MPRIP: variants seen among roughly 807,000 people sequenced by gnomAD.
The protein encoded by MPRIP is myosin phosphatase Rho interacting protein.
In MPRIP, 59 loss-of-function variants were observed where a neutral mutation model predicts 234.9. The ratio of observed to expected loss-of-function variants is 0.25; its 90% CI spans 0.20 to 0.31. MPRIP has a LOEUF of 0.31. Among genes scored for constraint, MPRIP ranks in the 10% least tolerant of loss-of-function variants. The pLI is 1.00. For synonymous variants in MPRIP, 1,144 were observed against 1,263.9 expected (o/e 0.91, Z 2.01); for missense variants, 2,436 against 3,071.0 (o/e 0.79, Z 4.89).
intron 3 of MPRIP, among the ~76,000 whole-genome samples, chr17:17,117,007 G>A (rs984886870): frequency 1.3e-5 from 2 of 152,244 alleles, no homozygotes; most frequent in African/African-American, 4.8e-5. Flanking sequence ...TGGTCTCTGA[G>A]TAGAGGATGT....
chr17:17,140,492 C>T (rs560610597), intron 7 of MPRIP, among the ~76,000 whole-genome samples: 1 of 152,258 alleles, frequency 6.6e-6, no homozygotes, highest in South Asian at 2.1e-4. Flanking sequence ...TCACTGGATC[C>T]CTAGTAGCCC....
At chr17:17,157,077 C>G (rs1453329888) in intron 13 of MPRIP, among the ~76,000 whole-genome samples, 1 of 152,220 alleles carries the variant, frequency 6.6e-6, no homozygotes, top group Non-Finnish European at 1.5e-5. Flanking sequence ...TTAGGGGCCC[C>G]TCAGTCAGCC....
intron 4 of MPRIP, among the ~76,000 whole-genome samples, chr17:17,131,060 CCA>C (rs1010421623): frequency 8.5e-5 from 13 of 152,164 alleles, no homozygotes; most frequent in Non-Finnish European, 1.3e-4. Flanking sequence ...AGTGAACTTG[CCA>C]CACACAATCC....
intron 1 of MPRIP, among the ~76,000 whole-genome samples, chr17:17,053,928 G>A (rs953309616): frequency 1.2e-4 from 18 of 152,188 alleles, no homozygotes; most frequent in Middle Eastern, 3.2e-3. Context: ...AGTCCTCACC[G>A]TCATTGATGG....
chr17:17,163,115 G>T (rs1229210984), intron 15 of MPRIP, among the ~76,000 whole-genome samples: 1 of 152,200 alleles, frequency 6.6e-6, no homozygotes, highest in South Asian at 2.1e-4. Flanking sequence ...TGAGCAGGGG[G>T]TCTGTGGGGT....
chr17:17,112,004 G>T (rs901893158), intron 3 of MPRIP, among the ~76,000 whole-genome samples: 11 of 152,126 alleles, frequency 7.2e-5, no homozygotes, highest in African/African-American at 2.4e-4. Flanking sequence ...GACAGTCGTC[G>T]GCACCCCACA....
intron 16 of MPRIP, chr17:17,171,427 C>T: frequency 3.1e-6 from 1 of 322,636 alleles, no homozygotes. Context: ...GCAGCCTGTC[C>T]CCACCTACCA....
chr17:17,070,448 CCTGT>C (rs1597747940), intron 1 of MPRIP, among the ~76,000 whole-genome samples: 1 of 152,164 alleles, frequency 6.6e-6, no homozygotes, highest in East Asian at 1.9e-4. Context: ...TTCATTTTTT[CCTGT>C]CTGTTTTTCC....
chr17:17,184,709 C>G (rs1353982745), intron 23 of MPRIP, 114 bp from the exon 24 acceptor site: 1 of 730,218 alleles, frequency 1.4e-6, no homozygotes, highest in African/African-American at 1.7e-5. Context: ...CGCACCTGCA[C>G]CCGGCTCTCT....
chr17:17,113,013 A>G (rs2090204459), intron 3 of MPRIP, among the ~76,000 whole-genome samples: 1 of 152,188 alleles, frequency 6.6e-6, no homozygotes, highest in Non-Finnish European at 1.5e-5. Context: ...TTGGGGTCTC[A>G]CTAGCTCCCA....
chr17:17,112,349 C>T (rs2090189414), intron 3 of MPRIP, among the ~76,000 whole-genome samples: 2 of 152,170 alleles, frequency 1.3e-5, no homozygotes, highest in African/African-American at 4.8e-5. Context: ...CCCTGCATCC[C>T]ACAAGTGCCC....
In MPRIP at chr17:17,168,543, GTCCTGC is replaced by G; in HGVS notation, c.6324+629_6324+634del. ...TTACAAGTAGATTTTCCCCAGAACTGTCCTGCATCCCCGCCCCTGAGGTCCTGGAGC... is the reference window on the plus strand; with the variant it reads ...TTACAAGTAGATTTTCCCCAGAACTGATCCCCGCCCCTGAGGTCCTGGAGC... On this transcript the variant is annotated intron_variant, in intron 16 of 23. Transcript: ENST00000651222. 2.1e-5 allele frequency: 7 copies of G among 333,824 alleles called. 1 individual carries two copies. Among genetic ancestry groups the G allele is most frequent in the South Asian group, 1.6e-4 (7 of 42,528 alleles). 20.7% of individuals were successfully genotyped at this position (333,824 alleles called of 1,614,324 possible).
At chr17:17,171,925 A>G (rs2046146085) in intron 17 of MPRIP, 60 bp downstream of exon 17, 10 of 1,543,478 alleles carry the variant, frequency 6.5e-6, no homozygotes, top group African/African-American at 5.5e-5. Flanking sequence ...TGAGCTAGAC[A>G]CACAACTCAG....
At chr17:17,183,671 C>G (rs866735641) in intron 23 of MPRIP, among the ~76,000 whole-genome samples, 1 of 152,216 alleles carries the variant, frequency 6.6e-6, no homozygotes, top group Non-Finnish European at 1.5e-5. Context: ...GGAGCTCCCC[C>G]TTCCCTTGAG....
rs1350636781 is a variant in MPRIP at position 17,164,340 on chromosome 17, G to A, written c.2749G>A (p.Glu917Lys). Residue 917 changes from glutamate to lysine, a missense_variant, in exon 16 of 24, where the codon GAG becomes AAG. Transcript: ENST00000651222. ...SNAAAELAIK[E>K]QALAKLKGDL... ...TGCGGCCGCTGAGCTAGCCATCAAG[G>A]AGCAGGCGCTGGCCAAGCTCAAGGG... The A allele has an allele frequency of 7.7e-7, 1 of 1,302,412 alleles. No homozygotes were observed. Among genetic ancestry groups the A allele is most frequent in the East Asian group, 5.5e-5 (1 of 18,036 alleles). 80.7% of individuals were successfully genotyped at this position (1,302,412 alleles called of 1,614,324 possible).
intron 4 of MPRIP, among the ~76,000 whole-genome samples, chr17:17,131,030 C>T (rs2090586652): frequency 6.6e-6 from 1 of 152,182 alleles, no homozygotes. Context: ...TCCCTTGCTG[C>T]ACCCCTGGTG....
Position 17,167,889 on chromosome 17 carries a change from T to C in MPRIP, c.6298T>C (p.Tyr2100His). 7.7e-7 allele frequency: 1 copy of C among 1,303,876 alleles called. No individual in the cohort carries two copies. The highest frequency in any genetic ancestry group is 1.0e-6 in the Non-Finnish European group (1 of 988,902). 80.8% of individuals were successfully genotyped at this position (1,303,876 alleles called of 1,614,324 possible). A position where few individuals can be genotyped will look rare whatever the true frequency, so the allele number is the denominator to read the frequency against. Residue 2100 changes from tyrosine to histidine, a missense_variant, in exon 16 of 24, where the codon TAC becomes CAC. Around this residue, in one of 4 missense-constraint regions of MPRIP, gnomAD observed 1,998 missense variants for 2,520.3 expected, o/e 0.79. Transcript: ENST00000651222. The surrounding 1 kb of genome is among the most constrained non-coding windows in gnomAD (Gnocchi z 5.9). ...EGDAATLREK[Y>H]QRDLESLKAT... ...CGACGCGGCCACACTGCGTGAGAAGTACCAGAGGGACTTGGAGAGCCTTAA... is the reference window on the plus strand; with the variant it reads ...CGACGCGGCCACACTGCGTGAGAAGCACCAGAGGGACTTGGAGAGCCTTAA...
At chr17:17,087,983 G>A (rs1233916663) in intron 3 of MPRIP, among the ~76,000 whole-genome samples, 2 of 152,346 alleles carry the variant, frequency 1.3e-5, no homozygotes, top group South Asian at 4.1e-4. Context: ...CTGCCAGCCT[G>A]TGTTCAGGGC....
intron 15 of MPRIP, among the ~76,000 whole-genome samples, chr17:17,161,679 A>G (rs1049360286): frequency 7.2e-5 from 11 of 152,240 alleles, no homozygotes; most frequent in African/African-American, 2.7e-4. Flanking sequence ...TAAATACCAT[A>G]CATTTGCATG....
Sources: gnomAD v4.1 joint callset for allele counts (sites outside exome capture counted in the v4.1 genomes callset) on GRCh38, gnomAD v4.1.1 for gene constraint, gnomAD v4.1.1 regional missense constraint, Gnocchi (gnomAD v3.1) non-coding constraint, MANE v1.5 for transcripts, NCBI Gene and HGNC (gene_info 2026-07-23, HGNC 2026-07-21) for gene names.